The following PDSS2 variants were observed in gnomAD, a reference collection of about 807,000 sequenced individuals.
PDSS2 encodes the protein decaprenyl diphosphate synthase subunit 2, also known as all trans-polyprenyl-diphosphate synthase PDSS2.
PDSS2 carries 31 observed loss-of-function variants against 44.5 expected under a neutral mutation model. The ratio of observed to expected loss-of-function variants is 0.70; its 90% CI spans 0.52 to 0.94. PDSS2 has a LOEUF of 0.94. PDSS2 is among the 40% of genes least tolerant of loss of function. PDSS2 has a pLI of 0.00. For synonymous variants in PDSS2, 157 were observed against 180.3 expected, an observed-to-expected ratio of 0.87 and a Z score of 1.03; for missense variants, 452 against 482.2, an observed-to-expected ratio of 0.94 and a Z score of 0.59.
At chr6:107,216,786 G>C (rs73525728) in intron 4 of PDSS2, among the ~76,000 whole-genome samples, 2,855 of 152,228 alleles carry the variant, frequency 0.019, 86 homozygotes, top group African/African-American at 0.065. Context: ...GTGTGTGTTG[G>C]GGGAGGGGTG....
Position 107,270,131 on chromosome 6 carries a change from C to A in PDSS2, c.630+3898G>T, listed in dbSNP as rs990055070. On this transcript the variant is annotated intron_variant, in intron 3 of 7. Transcript: ENST00000369037. The stretch of plus-strand genomic sequence containing the variant: ...ATTATTATTATTTTTTTTTTGAGAC[C>A]GAGATTCGCTCTTGTTGCCCAGGCC... Among the ~76,000 whole-genome samples, 5 of 151,770 alleles carry A rather than the reference C, an allele frequency of 3.3e-5. No individual in the cohort carries two copies. In the East Asian group the frequency reaches 9.7e-4, roughly 29 times the overall value.
Position 107,154,410 on chromosome 6 carries a change from G to A in PDSS2, c.*209C>T, listed in dbSNP as rs1224052809. The A allele has an allele frequency of 7.4e-6, 4 of 538,314 alleles. No homozygotes were observed. Among genetic ancestry groups the A allele is most frequent in the East Asian group, 3.4e-5 (1 of 29,642 alleles). 33.3% of individuals were successfully genotyped at this position (538,314 alleles called of 1,614,324 possible). A position where few individuals can be genotyped will look rare whatever the true frequency, so the allele number is the denominator to read the frequency against. ...CTGCAGCCTCAAGTGTGCTTCTGGC[G>A]TGACAAGTGAAAACTGCTTGACCTT... On this transcript the variant is annotated 3_prime_UTR_variant, in exon 8 of 8. Coordinates refer to ENST00000369037, the MANE Select transcript of PDSS2 (RefSeq NM_020381.4).
chr6:107,288,392 C>T, intron 2 of PDSS2, among the ~76,000 whole-genome samples: 1 of 152,118 alleles, frequency 6.6e-6, no homozygotes, highest in African/African-American at 2.4e-5. Flanking sequence ...GCCCTCAAGT[C>T]TTTGTTATAT....
intron 1 of PDSS2, among the ~76,000 whole-genome samples, chr6:107,344,918 A>T (rs1778193789): frequency 6.6e-6 from 1 of 152,178 alleles, no homozygotes; most frequent in South Asian, 2.1e-4. Context: ...AATGGAAAAT[A>T]GGGCCATTTA....
At position 107,412,617 on chromosome 6, in the gene PDSS2, A is replaced by G. The variant is rs940742330; in HGVS notation, c.296+46373T>C. 4.6e-5 allele frequency among the ~76,000 whole-genome samples: 7 copies of G among 152,340 alleles called. No homozygotes were observed. The East Asian group carries it at 5.8e-4, about 13-fold the overall frequency. ...CTCCATTTATACAACTGTCGGCAACATAAGCGTCAATTGTTTTAAAAACTG... is the reference window on the plus strand; with the variant it reads ...CTCCATTTATACAACTGTCGGCAACGTAAGCGTCAATTGTTTTAAAAACTG... On this transcript the variant is annotated intron_variant, in intron 1 of 7. Coordinates refer to ENST00000369037, the MANE Select transcript of PDSS2 (RefSeq NM_020381.4).
chr6:107,454,933 T>C (rs1781988029), intron 1 of PDSS2, among the ~76,000 whole-genome samples: 1 of 152,210 alleles, frequency 6.6e-6, no homozygotes, highest in African/African-American at 2.4e-5. Context: ...TATACAAATA[T>C]ATACAGATAC....
intron 5 of PDSS2, among the ~76,000 whole-genome samples, chr6:107,211,454 A>G (rs369570108): frequency 1.4e-4 from 21 of 152,010 alleles, no homozygotes; most frequent in African/African-American, 3.9e-4. Flanking sequence ...ATAAGGGGCC[A>G]GGCGTGGTGG....
chr6:107,413,750 A>G (rs1439444661), intron 1 of PDSS2, among the ~76,000 whole-genome samples: 1 of 152,188 alleles, frequency 6.6e-6, no homozygotes, highest in Non-Finnish European at 1.5e-5. Flanking sequence ...CAGGCGTGAT[A>G]CAGGAATGCA....
intron 3 of PDSS2, chr6:107,264,458 C>T: frequency 1.3e-6 from 2 of 1,549,718 alleles, no homozygotes; most frequent in Non-Finnish European, 1.7e-6. Flanking sequence ...AAGATCCAGG[C>T]TGACTCACAG....
intron 1 of PDSS2, among the ~76,000 whole-genome samples, chr6:107,372,804 A>T (rs1222271772): frequency 6.6e-6 from 1 of 152,042 alleles, no homozygotes; most frequent in African/African-American, 2.4e-5. Flanking sequence ...TAGAGAGTTT[A>T]AAAATGTTGA....
At chr6:107,254,058 G>A (rs1402224410) in intron 3 of PDSS2, among the ~76,000 whole-genome samples, 1 of 137,986 alleles carries the variant, frequency 7.2e-6, no homozygotes, top group Non-Finnish European at 1.5e-5. Flanking sequence ...TTTTGAGACA[G>A]AGTCTCACTC....
intron 4 of PDSS2, among the ~76,000 whole-genome samples, chr6:107,226,668 ATTT>A (rs61088823): frequency 3.0e-5 from 4 of 132,228 alleles, no homozygotes; most frequent in Admixed American, 1.6e-4. Flanking sequence ...GGATTTTGGA[ATTT>A]TTTTTTTTTT....
chr6:107,316,320 T>C (rs898391021), intron 2 of PDSS2, among the ~76,000 whole-genome samples: 2 of 152,230 alleles, frequency 1.3e-5, no homozygotes, highest in Admixed American at 6.5e-5. Flanking sequence ...ATGTCTAGTA[T>C]GTGTGTCTAC....
In PDSS2 at chr6:107,223,275, A is replaced by G. The variant is rs575215527; in HGVS notation, c.703-10993T>C. On this transcript the variant is annotated intron_variant, in intron 4 of 7. Transcript: ENST00000369037. The stretch of plus-strand genomic sequence containing the variant: ...CCAGGCATGGTGGCTCATGCCTATA[A>G]TCCTGGCACTTTGGGAGGCCGAGGT... 1.3e-5 allele frequency among the ~76,000 whole-genome samples: 2 copies of G among 151,010 alleles called. 1 individual carries two copies. The highest frequency in any genetic ancestry group is 4.9e-5 in the African/African-American group (2 of 40,588).
intron 7 of PDSS2, among the ~76,000 whole-genome samples, chr6:107,171,319 G>A (rs9400099): frequency 0.69 from 105,329 of 151,740 alleles, 36,940 homozygotes; most frequent in African/African-American, 0.74. Flanking sequence ...GTGCCACCAT[G>A]CCTGGCTAAT....
intron 4 of PDSS2, among the ~76,000 whole-genome samples, chr6:107,242,235 T>G (rs1228569990): frequency 6.6e-6 from 1 of 152,128 alleles, no homozygotes; most frequent in Non-Finnish European, 1.5e-5. Flanking sequence ...ACTATGCATT[T>G]TTGTTTCCAT....
intron 4 of PDSS2, among the ~76,000 whole-genome samples, chr6:107,214,189 T>G (rs921000740): frequency 2.6e-5 from 4 of 151,824 alleles, no homozygotes; most frequent in African/African-American, 4.8e-5. Flanking sequence ...CTGCAAGCTC[T>G]GCCTCCCGGG....
chr6:107,272,270 A>C (rs1237589574), intron 3 of PDSS2, among the ~76,000 whole-genome samples: 2 of 152,142 alleles, frequency 1.3e-5, no homozygotes, highest in Non-Finnish European at 2.9e-5. Context: ...AAAAAATGAA[A>C]AATTCAGGAT....
rs1288765674 is a variant in PDSS2, at chr6:107,212,276, A to G, written c.709T>C (p.Tyr237His). ...YHENSTSKES[Y>H]ITDDIGISTW... is the part of the protein sequence containing the mutation. The stretch of plus-strand genomic sequence containing the variant: ...GATATTCCAATATCATCTGTGATAT[A>G]ACTTTCCTAAAAATGTAACAAAAGC... The change falls in exon 5 of 8, where the codon TAT becomes CAT. Residue 237 changes from tyrosine (Y) to histidine (H), a missense_variant. Transcript: ENST00000369037. The G allele has an allele frequency of 6.2e-7, 1 of 1,609,872 alleles. No individual in the cohort carries two copies. Among genetic ancestry groups the G allele is most frequent in the East Asian group, 2.2e-5 (1 of 44,846 alleles).
Sources: allele counts gnomAD v4.1 joint callset (sites outside exome capture counted in the v4.1 genomes callset), GRCh38; gene constraint gnomAD v4.1.1; transcripts MANE v1.5; gene names NCBI Gene and HGNC (gene_info 2026-07-23, HGNC 2026-07-21).